Variants in PDE6D observed in about 807,000 individuals in gnomAD.
The protein encoded by PDE6D is phosphodiesterase 6D, also known as retinal rod rhodopsin-sensitive cGMP 3',5'-cyclic phosphodiesterase subunit delta.
PDE6D carries 10 observed loss-of-function variants against 21.9 expected under a neutral mutation model. The ratio of observed to expected loss-of-function variants is 0.46; its 90% CI spans 0.28 to 0.78. PDE6D has a LOEUF of 0.78. Ranked by LOEUF, PDE6D falls within the 30% of genes least tolerant of loss-of-function variation. PDE6D has a pLI of 0.12. For missense variants in PDE6D, 139 were observed against 184.8 expected (o/e 0.75, Z 1.44); for synonymous variants, 59 against 63.5 (o/e 0.93, Z 0.34).
intron 1 of PDE6D, among the ~76,000 whole-genome samples, chr2:231,763,483 C>T (rs1433165293): frequency 6.6e-6 from 1 of 152,034 alleles, no homozygotes; most frequent in Non-Finnish European, 1.5e-5. Context: ...AGAATGTGGC[C>T]CACAGACTGG....
intron 3 of PDE6D, 109 bp from the exon 4 acceptor site, chr2:231,737,401 A>C: frequency 1.7e-6 from 1 of 604,688 alleles, no homozygotes. Context: ...GAACCACCAA[A>C]GGAAGCTATC....
At chr2:231,756,952 C>T (rs2048887525) in intron 1 of PDE6D, among the ~76,000 whole-genome samples, 1 of 151,876 alleles carries the variant, frequency 6.6e-6, no homozygotes, top group African/African-American at 2.4e-5. Flanking sequence ...TCTAACCTCG[C>T]TTCCAGATAT....
At chr2:231,741,187 CAAAGAT>C (rs1209742505) in intron 1 of PDE6D, among the ~76,000 whole-genome samples, 33 of 140,662 alleles carry the variant, frequency 2.3e-4, no homozygotes, top group South Asian at 9.4e-4. Flanking sequence ...TACAGAATAT[CAAAGAT>C]AAAGAAAAGC....
At chr2:231,753,273 C>T (rs2048856799) in intron 1 of PDE6D, among the ~76,000 whole-genome samples, 1 of 151,202 alleles carries the variant, frequency 6.6e-6, no homozygotes, top group African/African-American at 2.4e-5. Context: ...CCTGTAATCC[C>T]GGCACTTTGG....
chr2:231,742,542 G>A (rs1021853093), intron 1 of PDE6D, among the ~76,000 whole-genome samples: 3 of 152,036 alleles, frequency 2.0e-5, no homozygotes, highest in African/African-American at 4.8e-5. Context: ...AACCATTAAA[G>A]GAAAAGAAAA....
At chr2:231,779,282 G>C (rs2049082423) in intron 1 of PDE6D, 2 of 152,334 alleles carry the variant, frequency 1.3e-5, no homozygotes, top group Non-Finnish European at 1.5e-5. Context: ...CCAGTGGGCT[G>C]ACACAGATTC....
At chr2:231,743,407 C>T (rs532487440) in intron 1 of PDE6D, among the ~76,000 whole-genome samples, 51 of 129,662 alleles carry the variant, frequency 3.9e-4, no homozygotes, top group Non-Finnish European at 7.0e-4. Context: ...TCCAGCCTGG[C>T]GACAGAGCAA....
At chr2:231,741,526 G>A (rs114234908) in intron 1 of PDE6D, among the ~76,000 whole-genome samples, 123 of 152,270 alleles carry the variant, frequency 8.1e-4, no homozygotes, top group African/African-American at 2.8e-3. Context: ...CTCTTTAACA[G>A]GTCTGGAGAG....
chr2:231,732,903 TC>T lies in PDE6D; in HGVS notation c.*48del. Reference sequence around the variant, plus strand: ...TGGAGGAAAAAAGTAAACAGTTTCCTCCTCCCTCCAAAAAACCCAAATTCTT... The same window carrying T: ...TGGAGGAAAAAAGTAAACAGTTTCCTCTCCCTCCAAAAAACCCAAATTCTT... On this transcript the variant is annotated 3_prime_UTR_variant, in exon 5 of 5. Coordinates refer to ENST00000287600, the MANE Select transcript of PDE6D (RefSeq NM_002601.4). 8.3e-7 allele frequency: 1 copy of T among 1,202,414 alleles called. No homozygotes were observed. Among genetic ancestry groups the T allele is most frequent in the Non-Finnish European group, 1.2e-6 (1 of 810,900 alleles). The allele number at this position is 1,202,414 out of a possible 1,614,324, so 74.5% of individuals were successfully genotyped here.
In PDE6D at chr2:231,753,378, C is replaced by A. The variant is rs144358801; in HGVS notation, c.51-14190G>T. Among the ~76,000 whole-genome samples, 213 of 150,716 alleles carry A rather than the reference C, an allele frequency of 1.4e-3. 5 individuals are homozygous for A. The highest frequency in any genetic ancestry group is 4.8e-3 in the African/African-American group (200 of 41,284). On this transcript the variant is annotated intron_variant, in intron 1 of 4. Transcript: ENST00000287600. ...CTGTACTAAAAAATACAAAAAAAAC[C>A]CCAAAAAACAAAAAACAAAAAACAT... is the stretch of plus-strand genomic sequence containing the variant.
intron 1 of PDE6D, among the ~76,000 whole-genome samples, chr2:231,753,350 C>T (rs1439277022): frequency 6.6e-6 from 1 of 150,452 alleles, no homozygotes; most frequent in African/African-American, 2.4e-5. Flanking sequence ...AGTGAAACCC[C>T]GTCTGTACTA....
intron 1 of PDE6D, among the ~76,000 whole-genome samples, chr2:231,750,484 T>A (rs1348227392): frequency 2.7e-5 from 4 of 148,186 alleles, no homozygotes; most frequent in Admixed American, 6.7e-5. Flanking sequence ...CATATCACTT[T>A]TTTTTTTTTT....
In PDE6D at chr2:231,772,358, A is replaced by G. The variant is rs202000596; in HGVS notation, c.50+8707T>C. Among the ~76,000 whole-genome samples the G allele has an allele frequency of 3.9e-5, 6 of 152,212 alleles. No individual in the cohort carries two copies. In the East Asian group the frequency reaches 7.7e-4, roughly 19 times the overall value. On this transcript the variant is annotated intron_variant, in intron 1 of 4. Transcript: ENST00000287600. Reference sequence around the variant, plus strand: ...CATCGCCTTCTTTGCCATAAACAGTAAGCTTTAGTCCAATCCATTGAAATC... The same window carrying G: ...CATCGCCTTCTTTGCCATAAACAGTGAGCTTTAGTCCAATCCATTGAAATC...
intron 1 of PDE6D, among the ~76,000 whole-genome samples, chr2:231,741,128 A>G (rs1484909246): frequency 2.0e-5 from 3 of 151,308 alleles, no homozygotes; most frequent in Non-Finnish European, 4.4e-5. Context: ...AAAAAAAAAA[A>G]AAAAAAAAAA....
At chr2:231,736,658 T>A (rs2048704782) in intron 4 of PDE6D, among the ~76,000 whole-genome samples, 1 of 152,204 alleles carries the variant, frequency 6.6e-6, no homozygotes, top group Non-Finnish European at 1.5e-5. Context: ...AACCAAGTAG[T>A]ATCCTCGAAA....
chr2:231,772,125 T>A (rs1041652085), intron 1 of PDE6D, among the ~76,000 whole-genome samples: 25 of 152,196 alleles, frequency 1.6e-4, no homozygotes, highest in African/African-American at 5.8e-4. Flanking sequence ...TCTTCCTCTT[T>A]AGAACAGTTG....
intron 3 of PDE6D, 34 bp from the exon 4 acceptor site, chr2:231,737,326 T>G (rs1463815749): frequency 2.5e-6 from 3 of 1,176,558 alleles, no homozygotes; most frequent in African/African-American, 1.5e-5. Flanking sequence ...GGTGAGCAGG[T>G]GCCCCAGTAT....
intron 1 of PDE6D, among the ~76,000 whole-genome samples, chr2:231,755,674 A>T (rs1402952020): frequency 6.6e-6 from 1 of 152,216 alleles, no homozygotes; most frequent in Non-Finnish European, 1.5e-5. Flanking sequence ...TAATCCCAGC[A>T]CTTTGGGAGG....
chr2:231,762,495 C>A (rs1380895921), intron 1 of PDE6D, among the ~76,000 whole-genome samples: 1 of 151,976 alleles, frequency 6.6e-6, no homozygotes, highest in Non-Finnish European at 1.5e-5. Flanking sequence ...CAGGTGGGCA[C>A]CACCATGCCC....
Sources: allele counts gnomAD v4.1 joint callset (sites outside exome capture counted in the v4.1 genomes callset), GRCh38; gene constraint gnomAD v4.1.1; transcripts MANE v1.5; gene names NCBI Gene and HGNC (gene_info 2026-07-23, HGNC 2026-07-21).